The following CCDC197 variants were observed in gnomAD, a reference collection of about 807,000 sequenced individuals.
The protein encoded by CCDC197 is coiled-coil domain containing 197, also known as uncharacterized protein CCDC197.
CCDC197 carries 24 observed loss-of-function variants against 13.4 expected under a neutral mutation model. That is an observed-to-expected ratio of 1.80 (90% confidence interval 1.30 to 2.53). The LOEUF (loss-of-function observed/expected upper bound fraction) is 2.53, where lower values mean the gene tolerates loss of function less well. Ranked by LOEUF, CCDC197 falls within the 30% of genes most tolerant of loss-of-function variation. The pLI is 0.00. For missense variants in CCDC197, 255 were observed against 148.8 expected (o/e 1.71, Z -3.71); for synonymous variants, 99 against 55.5 (o/e 1.78, Z -3.48).
upstream of CCDC197, among the ~76,000 whole-genome samples, chr14:93,994,512 T>C (rs1016212276): frequency 3.9e-5 from 6 of 152,216 alleles, no homozygotes; most frequent in Admixed American, 1.3e-4. Context: ...CTTGTGACAG[T>C]CACTCTTTAG....
chr14:94,001,328 C>A lies in CCDC197; in HGVS notation c.366+5C>A. 1 of 765,286 alleles carries A rather than the reference C, an allele frequency of 1.3e-6. No homozygotes were observed. The highest frequency in any genetic ancestry group is 2.4e-6 in the Non-Finnish European group (1 of 409,452). 47.4% of individuals were successfully genotyped at this position (765,286 alleles called of 1,614,324 possible). A position where few individuals can be genotyped will look rare whatever the true frequency, so the allele number is the denominator to read the frequency against. ...GACCACAGGGCTCTCATGTTGGTAA[C>A]AGCTGCTTGAAGTCTGCTCCATTCC... On this transcript the variant is annotated splice_donor_5th_base_variant and intron_variant, in intron 4 of 6. Coordinates refer to ENST00000636493, the MANE Select transcript of CCDC197 (RefSeq NM_001351596.2).
downstream of CCDC197, among the ~76,000 whole-genome samples, chr14:94,010,772 G>A (rs947529363): frequency 3.3e-5 from 5 of 152,178 alleles, no homozygotes; most frequent in Non-Finnish European, 7.4e-5. Context: ...ACTCCATCAA[G>A]GGCGGTGCAA....
At chr14:93,994,477 C>A (rs1051171971), upstream of CCDC197, among the ~76,000 whole-genome samples, 1 of 152,158 alleles carries the variant, frequency 6.6e-6, no homozygotes, top group Admixed American at 6.5e-5. Flanking sequence ...AGTGGCAAAT[C>A]CGTGATAGGA....
At chr14:93,990,016 C>T (rs1890179394) in intron 1 of CCDC197, among the ~76,000 whole-genome samples, 1 of 152,200 alleles carries the variant, frequency 6.6e-6, no homozygotes, top group Non-Finnish European at 1.5e-5. Context: ...ATGAGAACCT[C>T]TGTTCTCTAT....
chr14:94,000,212 C>G (rs899608569), intron 3 of CCDC197, among the ~76,000 whole-genome samples: 1 of 152,072 alleles, frequency 6.6e-6, no homozygotes, highest in Non-Finnish European at 1.5e-5. Flanking sequence ...ATAATTATTA[C>G]CATTTATTAA....
rs773908483 is a variant in CCDC197, at chr14:93,998,105, T to A, written c.-27T>A. On this transcript the variant is annotated 5_prime_UTR_variant, in exon 2 of 7. Transcript: ENST00000636493. ...TGCCTGACTCACGGGTCTCCTGTCC[T>A]CCTGCATAGCTTGCGGTGGTGAGGT... The A allele has an allele frequency of 2.6e-6, 2 of 780,324 alleles. No individual in the cohort carries two copies. The highest frequency in any genetic ancestry group is 2.7e-5 in the South Asian group (2 of 74,594). The allele number at this position is 780,324 out of a possible 1,614,324, so 48.3% of individuals were successfully genotyped here.
At chr14:93,988,649 G>A (rs116636839) in intron 1 of CCDC197, among the ~76,000 whole-genome samples, 7 of 38,624 alleles carry the variant, frequency 1.8e-4, no homozygotes, top group Admixed American at 1.5e-3. Context: ...GGGAGGAGGG[G>A]ATGGGTGGAG....
At chr14:93,995,266 C>T (rs556636586), upstream of CCDC197, among the ~76,000 whole-genome samples, 1 of 152,192 alleles carries the variant, frequency 6.6e-6, no homozygotes, top group East Asian at 1.9e-4. Context: ...GGCTCTCACC[C>T]TGTGACTCCT....
At chr14:93,987,430 C>T (rs1488933762) in intron 1 of CCDC197, 1 of 152,436 alleles carries the variant, frequency 6.6e-6, no homozygotes, top group Non-Finnish European at 1.5e-5. Context: ...CTTGGTAGGG[C>T]CTCTGCGGCC....
intron 1 of CCDC197, among the ~76,000 whole-genome samples, chr14:93,988,124 G>A (rs562988111): frequency 2.5e-5 from 3 of 121,194 alleles, no homozygotes; most frequent in African/African-American, 6.5e-5. Context: ...GAAGGTCAGG[G>A]AGGAAAAGTG....
intron 2 of CCDC197, 29 bp downstream of exon 2, chr14:93,998,264 C>A (rs1253799442): frequency 1.3e-6 from 1 of 767,876 alleles, no homozygotes; most frequent in Non-Finnish European, 2.4e-6. Flanking sequence ...CTGCCCCAGC[C>A]CCAGCCCCAG....
At chr14:94,001,959 C>T (rs1890527651) in intron 4 of CCDC197, among the ~76,000 whole-genome samples, 1 of 152,160 alleles carries the variant, frequency 6.6e-6, no homozygotes, top group African/African-American at 2.4e-5. Context: ...GAGCATCTGC[C>T]CCCTAGTGGC....
downstream of CCDC197, among the ~76,000 whole-genome samples, chr14:94,009,370 G>A (rs1890773484): frequency 6.6e-6 from 1 of 152,116 alleles, no homozygotes; most frequent in Non-Finnish European, 1.5e-5. Flanking sequence ...TGAAATGGTT[G>A]GTACTCTCAG....
Sources: gnomAD v4.1 joint callset for allele counts (sites outside exome capture counted in the v4.1 genomes callset) on GRCh38, gnomAD v4.1.1 for gene constraint, MANE v1.5 for transcripts, NCBI Gene and HGNC (gene_info 2026-07-23, HGNC 2026-07-21) for gene names.